The following SLC14A1 variants were observed in gnomAD, a reference collection of about 807,000 sequenced individuals.
The protein encoded by SLC14A1 is urea transporter 1.
A neutral mutation model predicts 39.6 loss-of-function variants in SLC14A1; 36 were observed. That is an observed-to-expected ratio of 0.91 (90% CI 0.70 to 1.20). SLC14A1 has a LOEUF of 1.20. Ranked by LOEUF, SLC14A1 falls within the 50% of genes most tolerant of loss-of-function variation. SLC14A1 has a pLI of 0.00. For synonymous variants in SLC14A1, 164 were observed against 173.6 expected, an observed-to-expected ratio of 0.94 and a Z score of 0.43; for missense variants, 469 against 478.7, an observed-to-expected ratio of 0.98 and a Z score of 0.19.
intron 5 of SLC14A1, 42 bp downstream of exon 5, chr18:45,734,444 A>C: frequency 6.2e-7 from 1 of 1,609,268 alleles, no homozygotes; most frequent in East Asian, 2.2e-5. Context: ...TTGAAAAAAA[A>C]AACATGGCAG....
chr18:45,740,431 CTTTT>C (rs887202535), intron 8 of SLC14A1, among the ~76,000 whole-genome samples: 3 of 149,072 alleles, frequency 2.0e-5, no homozygotes, highest in Non-Finnish European at 3.0e-5. Context: ...AAGAATATTT[CTTTT>C]TTTATTTTTC....
At position 45,734,343 on chromosome 18, in the gene SLC14A1, G is replaced by T; in HGVS notation, c.411G>T (p.Ser137=). Residue 137 remains serine, a synonymous_variant, in exon 5 of 10, where the codon TCG becomes TCT. Transcript: ENST00000321925. ...TGGGAGTACTCATGGCTGTCTTTTC[G>T]GACAAGGGAGACTATTTCTGGTGGC... The part of the protein sequence containing the change: ...TLVGVLMAVF[S]DKGDYFWWLL... 1 of 1,613,876 alleles carries T rather than the reference G, an allele frequency of 6.2e-7. No homozygotes were observed. The highest frequency in any genetic ancestry group is 2.2e-5 in the East Asian group (1 of 44,856).
chr18:45,732,166 T>C (rs751975469), intron 4 of SLC14A1, among the ~76,000 whole-genome samples: 5 of 152,260 alleles, frequency 3.3e-5, no homozygotes, highest in South Asian at 2.1e-4. Context: ...CAACTCATTT[T>C]TTGTCAGATA....
chr18:45,744,202 C>T (rs2047477742), intron 8 of SLC14A1, among the ~76,000 whole-genome samples: 1 of 152,086 alleles, frequency 6.6e-6, no homozygotes, highest in Admixed American at 6.5e-5. Context: ...TTTGTAGAGA[C>T]AGGGTTTTGC....
chr18:45,734,141 C>A, intron 4 of SLC14A1, 133 bp from the exon 5 acceptor site: 1 of 1,180,708 alleles, frequency 8.5e-7, no homozygotes, highest in South Asian at 1.3e-5. Flanking sequence ...CTTACGTAGA[C>A]TTTGAAATAC....
chr18:45,751,586 T>C lies in SLC14A1; in HGVS notation c.*1635T>C, dbSNP rs1432735842. On this transcript the variant is annotated 3_prime_UTR_variant, in exon 10 of 10. Coordinates refer to ENST00000321925, the MANE Select transcript of SLC14A1 (RefSeq NM_015865.7). ...TGAGCCCAGGAGTTCAAGACCAGCT[T>C]GGGCAACATAGCAAGACTCCATCTC... The C allele has an allele frequency of 2.4e-6, 2 of 845,086 alleles. No homozygotes were observed. Among genetic ancestry groups the C allele is most frequent in the Non-Finnish European group, 2.8e-6 (2 of 702,512 alleles). The allele number at this position is 845,086 out of a possible 1,614,324, so 52.3% of individuals were successfully genotyped here.
At chr18:45,730,894 A>G in intron 3 of SLC14A1, 121 bp from the exon 4 acceptor site, 2 of 880,504 alleles carry the variant, frequency 2.3e-6, no homozygotes, top group Non-Finnish European at 3.8e-6. Flanking sequence ...GAGAAATATT[A>G]AAGAAATATC....
chr18:45,728,673 G>GT (rs1024691958), intron 2 of SLC14A1, among the ~76,000 whole-genome samples: 16 of 152,134 alleles, frequency 1.1e-4, no homozygotes, highest in African/African-American at 3.9e-4. Context: ...TATTCATACG[G>GT]TTTTTTATCT....
chr18:45,743,630 T>C (rs923711229), intron 8 of SLC14A1, among the ~76,000 whole-genome samples: 1 of 152,238 alleles, frequency 6.6e-6, no homozygotes, highest in Non-Finnish European at 1.5e-5. Context: ...GTTCTGATGA[T>C]TAAGTTAGTT....
At chr18:45,745,508 A>G (rs936713548) in intron 8 of SLC14A1, among the ~76,000 whole-genome samples, 1 of 152,164 alleles carries the variant, frequency 6.6e-6, no homozygotes, top group Non-Finnish European at 1.5e-5. Context: ...TAGACATTTT[A>G]TATGATAAGT....
Position 45,731,131 on chromosome 18 carries a change from C to G in SLC14A1, c.268C>G (p.Pro90Ala), listed in dbSNP as rs147790844. 1 of 1,614,124 alleles carries G rather than the reference C, an allele frequency of 6.2e-7. No individual in the cohort carries two copies. The highest frequency in any genetic ancestry group is 8.5e-7 in the Non-Finnish European group (1 of 1,180,006). ...LILVGLLVQN[P>A]WWALTGWLGT... ...TCTGGTAGGACTTCTTGTTCAGAAC[C>G]CCTGGTGGGCTCTCACTGGCTGGCT... The change falls in exon 4 of 10, where the codon CCC (proline) becomes GCC (alanine). Residue 90 changes from proline (P) to alanine (A), a missense_variant. Coordinates refer to ENST00000321925, the MANE Select transcript of SLC14A1 (RefSeq NM_015865.7).
In SLC14A1 at chr18:45,748,419, G is replaced by A; in HGVS notation, c.990G>A (p.Met330Ile). Reference sequence around the variant, plus strand: ...TTGGAGTCGGCATGGCAAACTTTATGGCTGAGGTGAGTTTGCTTTAGTCTC... The same window carrying A: ...TTGGAGTCGGCATGGCAAACTTTATAGCTGAGGTGAGTTTGCTTTAGTCTC... ...AYLGVGMANFMAEVGLPACTW... is the reference protein window; with the variant it reads ...AYLGVGMANFIAEVGLPACTW... The change falls in exon 9 of 10, where the codon ATG (methionine) becomes ATA (isoleucine). Residue 330 changes from methionine to isoleucine, a missense_variant. By Grantham distance (10) the Met-to-Ile change is conservative (BLOSUM62 1). Coordinates refer to ENST00000321925, the MANE Select transcript of SLC14A1 (RefSeq NM_015865.7). The A allele has an allele frequency of 6.2e-7, 1 of 1,613,962 alleles. No individual in the cohort carries two copies. The highest frequency in any genetic ancestry group is 1.6e-4 in the Middle Eastern group (1 of 6,062).
At chr18:45,726,861 T>C (rs567963910) in intron 2 of SLC14A1, 198 of 170,414 alleles carry the variant, frequency 1.2e-3, no homozygotes, top group African/African-American at 4.6e-3. Flanking sequence ...GTCCCCAAGA[T>C]GCAGCCCTCA....
chr18:45,746,416 A>G (rs1485601879), intron 8 of SLC14A1, among the ~76,000 whole-genome samples: 5 of 152,210 alleles, frequency 3.3e-5, no homozygotes, highest in African/African-American at 2.4e-5. Context: ...TACTATGGAG[A>G]GAAAAGCAAC....
rs189359323 is a variant in SLC14A1, at chr18:45,750,152, G to A, written c.*201G>A. The A allele has an allele frequency of 2.0e-3, 2,977 of 1,454,402 alleles. 3 individuals carry two copies. Among genetic ancestry groups the A allele is most frequent in the Non-Finnish European group, 2.5e-3 (2,788 of 1,109,054 alleles). The allele number at this position is 1,454,402 out of a possible 1,614,324, so 90.1% of individuals were successfully genotyped here. ...GAGCATATGAGAGTCACATCCAGGT[G>A]ATGTGCTCTGGTATGGAATTTGAAA... On this transcript the variant is annotated 3_prime_UTR_variant, in exon 10 of 10. Coordinates refer to ENST00000321925, the MANE Select transcript of SLC14A1 (RefSeq NM_015865.7).
At chr18:45,735,468 T>TC (rs900683899) in intron 5 of SLC14A1, among the ~76,000 whole-genome samples, 4 of 152,248 alleles carry the variant, frequency 2.6e-5, no homozygotes, top group African/African-American at 9.6e-5. Flanking sequence ...TCCTTTTTTT[T>TC]CAAACCCAAA....
chr18:45,749,116 G>A (rs552992659), intron 9 of SLC14A1, among the ~76,000 whole-genome samples: 1 of 150,598 alleles, frequency 6.6e-6, no homozygotes, highest in African/African-American at 2.4e-5. Flanking sequence ...TGATAGAGTA[G>A]GTCTTGTATG....
intron 9 of SLC14A1, among the ~76,000 whole-genome samples, chr18:45,749,511 G>T (rs548315335): frequency 1.3e-5 from 2 of 152,178 alleles, no homozygotes; most frequent in South Asian, 2.1e-4. Flanking sequence ...TGGCACATCT[G>T]GTGCAGGAAG....
intron 8 of SLC14A1, among the ~76,000 whole-genome samples, chr18:45,744,712 A>G (rs1189867393): frequency 6.6e-6 from 1 of 152,190 alleles, no homozygotes; most frequent in Non-Finnish European, 1.5e-5. Flanking sequence ...AATTCTGGAA[A>G]CATCATCAGT....
Sources: gnomAD v4.1 joint callset for allele counts (sites outside exome capture counted in the v4.1 genomes callset) on GRCh38, gnomAD v4.1.1 for gene constraint, MANE v1.5 for transcripts, NCBI Gene and HGNC (gene_info 2026-07-23, HGNC 2026-07-21) for gene names.